Variants in SEMA5A observed in about 807,000 individuals in gnomAD.
SEMA5A encodes semaphorin-5A.
A neutral mutation model predicts 135.5 loss-of-function variants in SEMA5A; 55 were observed. The observed-to-expected ratio is 0.41, with a 90% CI of 0.33 to 0.51. The LOEUF (loss-of-function observed/expected upper bound fraction) is 0.51. Among genes scored for constraint, SEMA5A ranks in the 20% least tolerant of loss-of-function variants. The probability of loss-of-function intolerance (pLI) is 0.37; values close to 1 mark genes in which losing one functional copy is unlikely to be tolerated. For missense variants in SEMA5A, 1,290 were observed against 1,419.9 expected (o/e 0.91, Z 1.47); for synonymous variants, 580 against 546.5 (o/e 1.06, Z -0.85).
chr5:9,080,719 C>T (rs941851110), intron 16 of SEMA5A, among the ~76,000 whole-genome samples: 3 of 152,262 alleles, frequency 2.0e-5, no homozygotes, highest in Admixed American at 1.3e-4. Flanking sequence ...TCAGGGTCCA[C>T]AGGTGAACAG....
chr5:9,365,234 C>A (rs1754863493), intron 3 of SEMA5A, among the ~76,000 whole-genome samples: 1 of 152,142 alleles, frequency 6.6e-6, no homozygotes, highest in Admixed American at 6.5e-5. Context: ...AGGGCTGGAG[C>A]AAGGGCAAGG....
At chr5:9,062,692 C>T (rs1206949843) in intron 18 of SEMA5A, among the ~76,000 whole-genome samples, 195 bp downstream of exon 18, 2 of 152,134 alleles carry the variant, frequency 1.3e-5, no homozygotes, top group African/African-American at 4.8e-5. Context: ...AGTTCTTAGG[C>T]TCAAGTGATT....
chr5:9,123,082 G>A (rs1740904066), intron 13 of SEMA5A, among the ~76,000 whole-genome samples: 1 of 151,086 alleles, frequency 6.6e-6, no homozygotes, highest in Non-Finnish European at 1.5e-5. Context: ...GTGAAACCCC[G>A]TCTCCACTAA....
chr5:9,340,748 C>G (rs545985447), intron 3 of SEMA5A, among the ~76,000 whole-genome samples: 22 of 152,178 alleles, frequency 1.4e-4, no homozygotes, highest in Non-Finnish European at 2.2e-4. Flanking sequence ...ATATTCCCTT[C>G]TCTTTCCTCC....
chr5:9,308,805 C>A (rs988015714), intron 5 of SEMA5A, among the ~76,000 whole-genome samples: 1 of 152,064 alleles, frequency 6.6e-6, no homozygotes, highest in South Asian at 2.1e-4. Context: ...AACTCCTCTG[C>A]TGTTGAATAT....
chr5:9,197,756 G>GTT (rs1745487226), intron 9 of SEMA5A, among the ~76,000 whole-genome samples: 2 of 142,156 alleles, frequency 1.4e-5, no homozygotes, highest in Non-Finnish European at 3.0e-5. Context: ...GTGTGTGTGT[G>GTT]TGTGTGTGTG....
At chr5:9,429,371 G>A (rs140909898) in intron 2 of SEMA5A, among the ~76,000 whole-genome samples, 63 of 152,242 alleles carry the variant, frequency 4.1e-4, no homozygotes, top group African/African-American at 1.5e-3. Context: ...ATAATTATTG[G>A]CATCTTATTA....
At chr5:9,458,057 G>A (rs753118494) in intron 1 of SEMA5A, among the ~76,000 whole-genome samples, 41 of 151,772 alleles carry the variant, frequency 2.7e-4, no homozygotes, top group Non-Finnish European at 5.3e-4. Context: ...ACAGCCACCC[G>A]CCAACACGCC....
At chr5:9,536,812 G>A (rs1397947450) in intron 1 of SEMA5A, among the ~76,000 whole-genome samples, 1 of 152,086 alleles carries the variant, frequency 6.6e-6, no homozygotes, top group African/African-American at 2.4e-5. Context: ...TTAACTCCTA[G>A]GCTCAAGCTT....
chr5:9,136,482 G>T (rs1377108659), intron 13 of SEMA5A, 22 bp downstream of exon 13: 1 of 1,589,668 alleles, frequency 6.3e-7, no homozygotes, highest in Admixed American at 1.7e-5. Context: ...ATTTTCAGAG[G>T]ATGGAGAAGG....
intron 5 of SEMA5A, among the ~76,000 whole-genome samples, chr5:9,251,164 GA>G (rs1448528161): frequency 6.6e-6 from 1 of 152,074 alleles, no homozygotes; most frequent in East Asian, 1.9e-4. Flanking sequence ...TTCTTCATAT[GA>G]TGCCTTCCAT....
In SEMA5A at chr5:9,122,726, C is replaced by T. The variant is rs199595571; in HGVS notation, c.1711G>A (p.Asp571Asn). Residue 571 changes from aspartate (D) to asparagine (N), a missense_variant, in exon 14 of 23, where the codon GAC (aspartate) becomes AAC (asparagine). Physicochemically the swap from Asp to Asn is conservative, Grantham distance 23 (BLOSUM62 1). Coordinates refer to ENST00000382496, the MANE Select transcript of SEMA5A (RefSeq NM_003966.3). Reference protein sequence around the residue: ...GSCLCRTRSCDSPAPQCGGWQ... With the variant: ...GSCLCRTRSCNSPAPQCGGWQ... ...CCACCACACTGCGGGGCCGGGCTGT[C>T]GCAGGAGCGGGTTCGACAGAGGCAG... 279 of 1,613,606 alleles carry T rather than the reference C, an allele frequency of 1.7e-4. 4 individuals are homozygous for T. In the East Asian group the frequency reaches 3.0e-3, roughly 17 times the overall value.
intron 6 of SEMA5A, among the ~76,000 whole-genome samples, chr5:9,236,677 C>G (rs1747929967): frequency 6.6e-6 from 1 of 152,170 alleles, no homozygotes; most frequent in African/African-American, 2.4e-5. Flanking sequence ...GATGATTTAA[C>G]TCAGAGGCCT....
intron 5 of SEMA5A, among the ~76,000 whole-genome samples, chr5:9,303,846 T>A (rs984401993): frequency 6.6e-6 from 1 of 152,182 alleles, no homozygotes; most frequent in Non-Finnish European, 1.5e-5. Context: ...TAAAATATTT[T>A]AAAAATAACA....
chr5:9,291,587 AAGAGAGAG>A (rs1250749271), intron 5 of SEMA5A, among the ~76,000 whole-genome samples: 6 of 139,890 alleles, frequency 4.3e-5, no homozygotes, highest in Admixed American at 4.2e-4. Context: ...AGAAGCAGGA[AAGAGAGAG>A]AGAGAGAGAA....
intron 2 of SEMA5A, among the ~76,000 whole-genome samples, chr5:9,416,656 T>G (rs1757293982): frequency 6.6e-6 from 1 of 152,154 alleles, no homozygotes; most frequent in African/African-American, 2.4e-5. Context: ...ACACACAATG[T>G]CTTTATGAAT....
At chr5:9,479,570 G>T (rs1471520808) in intron 1 of SEMA5A, among the ~76,000 whole-genome samples, 1 of 152,178 alleles carries the variant, frequency 6.6e-6, no homozygotes, top group Non-Finnish European at 1.5e-5. Context: ...TGGGTAGAAA[G>T]AATGTATGTA....
intron 1 of SEMA5A, among the ~76,000 whole-genome samples, chr5:9,441,418 G>A (rs1758228246): frequency 6.6e-6 from 1 of 152,060 alleles, no homozygotes; most frequent in African/African-American, 2.4e-5. Context: ...AAGTCATCAG[G>A]TATAAGAGAA....
At chr5:9,238,650 T>A (rs369219202) in intron 5 of SEMA5A, among the ~76,000 whole-genome samples, 15 of 151,512 alleles carry the variant, frequency 9.9e-5, no homozygotes, top group African/African-American at 3.6e-4. Flanking sequence ...CAGGCATCCA[T>A]GGCCTAGCTC....
Sources: gnomAD v4.1 joint callset for allele counts (sites outside exome capture counted in the v4.1 genomes callset) on GRCh38, gnomAD v4.1.1 for gene constraint, MANE v1.5 for transcripts, NCBI Gene and HGNC (gene_info 2026-07-23, HGNC 2026-07-21) for gene names.